NCKAP5: variants seen among roughly 807,000 people sequenced by gnomAD.
NCKAP5 encodes nck-associated protein 5.
Under a neutral mutation model 167.0 loss-of-function variants are expected in NCKAP5, and 92 were observed. The ratio of observed to expected loss-of-function variants is 0.55; its 90% confidence interval spans 0.47 to 0.66. The LOEUF (loss-of-function observed/expected upper bound fraction) is 0.66. NCKAP5 is among the 30% of genes least tolerant of loss of function. The pLI is 0.00. For synonymous variants in NCKAP5, 891 were observed against 877.4 expected (o/e 1.02, Z -0.27); for missense variants, 2,378 against 2,315.0 (o/e 1.03, Z -0.56).
intron 8 of NCKAP5, among the ~76,000 whole-genome samples, chr2:132,936,318 A>G (rs1194638888): frequency 6.6e-6 from 1 of 152,174 alleles, no homozygotes; most frequent in Non-Finnish European, 1.5e-5. Flanking sequence ...AAAAAGTCAT[A>G]GAAACAACCT....
At chr2:133,447,545 TC>T (rs1691281359) in intron 3 of NCKAP5, among the ~76,000 whole-genome samples, 2 of 125,138 alleles carry the variant, frequency 1.6e-5, no homozygotes, top group Non-Finnish European at 3.4e-5. Context: ...CTTTCCCCCT[TC>T]CCTCCCCTTC....
At chr2:133,174,587 G>T (rs1430052084) in intron 5 of NCKAP5, among the ~76,000 whole-genome samples, 1 of 152,074 alleles carries the variant, frequency 6.6e-6, no homozygotes, top group Non-Finnish European at 1.5e-5. Context: ...AATTGTACCA[G>T]CTTTGGTTAT....
intron 19 of NCKAP5, among the ~76,000 whole-genome samples, chr2:132,717,882 G>A (rs988492391): frequency 3.9e-5 from 6 of 152,316 alleles, no homozygotes; most frequent in Admixed American, 6.5e-5. Context: ...ATTGCATTTT[G>A]AGGGTATGAG....
intron 5 of NCKAP5, among the ~76,000 whole-genome samples, chr2:133,196,907 C>T (rs985077688): frequency 3.9e-5 from 6 of 152,156 alleles, no homozygotes; most frequent in African/African-American, 9.7e-5. Flanking sequence ...ACTCAGATGG[C>T]AAGGTCATCA....
chr2:133,217,233 T>C (rs1424797452), intron 4 of NCKAP5, among the ~76,000 whole-genome samples: 1 of 152,108 alleles, frequency 6.6e-6, no homozygotes, highest in Non-Finnish European at 1.5e-5. Flanking sequence ...ACTTTTGTAA[T>C]GAAGTATAAA....
At chr2:132,688,985 C>CAAAA (rs34015551) in intron 19 of NCKAP5, among the ~76,000 whole-genome samples, 10 of 66,292 alleles carry the variant, frequency 1.5e-4, no homozygotes, top group East Asian at 5.9e-4. Flanking sequence ...GACACCAACT[C>CAAAA]AAAAAAAAAA....
At chr2:133,117,245 T>C (rs1468116767) in intron 6 of NCKAP5, 2 of 152,232 alleles carry the variant, frequency 1.3e-5, no homozygotes, top group Non-Finnish European at 2.9e-5. Context: ...TGGCACTTGG[T>C]AATTCTCCTT....
intron 3 of NCKAP5, among the ~76,000 whole-genome samples, chr2:133,511,789 C>T (rs1302494404): frequency 1.3e-5 from 2 of 152,238 alleles, no homozygotes; most frequent in African/African-American, 4.8e-5. Flanking sequence ...TTGGCCCTCC[C>T]TGACTTGATG....
intron 12 of NCKAP5, among the ~76,000 whole-genome samples, chr2:132,794,319 G>A (rs1292983641): frequency 1.4e-5 from 2 of 141,922 alleles, no homozygotes; most frequent in African/African-American, 5.1e-5. Flanking sequence ...GTGGCGGGAA[G>A]AGAGAGAGAA....
intron 11 of NCKAP5, among the ~76,000 whole-genome samples, chr2:132,845,871 G>A (rs1328958726): frequency 6.6e-6 from 1 of 152,124 alleles, no homozygotes; most frequent in Non-Finnish European, 1.5e-5. Context: ...TGGCTCTGGG[G>A]AATTAACATT....
At chr2:132,779,292 T>G (rs574209312) in intron 15 of NCKAP5, among the ~76,000 whole-genome samples, 2 of 152,282 alleles carry the variant, frequency 1.3e-5, no homozygotes, top group East Asian at 1.9e-4. Flanking sequence ...GTCTTTTTGT[T>G]TTTTTGGTAC....
At chr2:132,976,766 A>T (rs547105725) in intron 7 of NCKAP5, among the ~76,000 whole-genome samples, 195 of 151,966 alleles carry the variant, frequency 1.3e-3, no homozygotes, top group African/African-American at 4.5e-3. Flanking sequence ...ATATATATAC[A>T]ATTTTATTTT....
chr2:132,709,030 GC>G (rs1168461068), intron 19 of NCKAP5, among the ~76,000 whole-genome samples: 1 of 152,122 alleles, frequency 6.6e-6, no homozygotes. Flanking sequence ...ATATAAAAAT[GC>G]AATTAACATT....
At chr2:132,965,832 A>G (rs1039178464) in intron 7 of NCKAP5, among the ~76,000 whole-genome samples, 1 of 152,132 alleles carries the variant, frequency 6.6e-6, no homozygotes, top group Non-Finnish European at 1.5e-5. Context: ...CTAAACATAA[A>G]AAAGGTACAG....
intron 6 of NCKAP5, among the ~76,000 whole-genome samples, chr2:133,058,229 C>G (rs1307615836): frequency 1.3e-5 from 2 of 152,220 alleles, no homozygotes; most frequent in Non-Finnish European, 2.9e-5. Context: ...GTTTTCACAC[C>G]TGTTAATACA....
chr2:132,760,020 A>G (rs552573443), intron 16 of NCKAP5, among the ~76,000 whole-genome samples: 1 of 152,200 alleles, frequency 6.6e-6, no homozygotes, highest in African/African-American at 2.4e-5. Context: ...ACATGCAAAT[A>G]TAACTTACCA....
In NCKAP5 at chr2:133,400,512, T is replaced by C. The variant is rs114428098; in HGVS notation, c.70-97402A>G. 2.1e-3 allele frequency among the ~76,000 whole-genome samples: 317 copies of C among 152,068 alleles called. 2 individuals are homozygous for C. The highest frequency in any genetic ancestry group is 7.2e-3 in the African/African-American group (297 of 41,516). On this transcript the variant is annotated intron_variant, in intron 3 of 19. Coordinates refer to ENST00000409261, the MANE Select transcript of NCKAP5 (RefSeq NM_207363.3). ...AGAAGTGAGAAGGAGAAGATGACCA[T>C]GTGGGGATGGAGGCAGCGACTGGAG...
intron 4 of NCKAP5, among the ~76,000 whole-genome samples, chr2:133,300,665 CA>C (rs1269236849): frequency 9.3e-5 from 11 of 118,638 alleles, no homozygotes; most frequent in African/African-American, 2.9e-4. Context: ...AACCCACAGC[CA>C]ATATCATACT....
At chr2:133,623,897 G>A in the NCKAP5 span, among the ~76,000 whole-genome samples, 2 of 152,014 alleles carry the variant, frequency 1.3e-5, no homozygotes, top group Admixed American at 6.6e-5. Context: ...CAGCCCAAAC[G>A]TTCATCAATC....
Sources: gnomAD v4.1 joint callset for allele counts (sites outside exome capture counted in the v4.1 genomes callset) on GRCh38, gnomAD v4.1.1 for gene constraint, MANE v1.5 for transcripts, NCBI Gene and HGNC (gene_info 2026-07-23, HGNC 2026-07-21) for gene names.